HNRNPLL: variants seen among roughly 807,000 people sequenced by gnomAD.
HNRNPLL encodes the protein heterogeneous nuclear ribonucleoprotein L like.
A neutral mutation model predicts 67.1 loss-of-function variants in HNRNPLL; 25 were observed. The ratio of observed to expected loss-of-function variants is 0.37; its 90% CI spans 0.27 to 0.52. HNRNPLL has a LOEUF of 0.52. Ranked by LOEUF, HNRNPLL falls within the 20% of genes least tolerant of loss-of-function variation. The pLI, the probability that HNRNPLL is intolerant of heterozygous loss-of-function variation, is 0.90. For synonymous variants in HNRNPLL, 267 were observed against 241.7 expected (o/e 1.10, Z -0.97); for missense variants, 542 against 673.9 (o/e 0.80, Z 2.17).
At chr2:38,566,502 G>C (rs901128851) in intron 12 of HNRNPLL, among the ~76,000 whole-genome samples, 1 of 151,880 alleles carries the variant, frequency 6.6e-6, no homozygotes, top group Non-Finnish European at 1.5e-5. Context: ...TATCATACTG[G>C]TAAAAATTGA....
chr2:38,587,379 C>T (rs562702409), intron 2 of HNRNPLL, among the ~76,000 whole-genome samples: 2 of 152,282 alleles, frequency 1.3e-5, no homozygotes, highest in East Asian at 3.9e-4. Flanking sequence ...TTTAACGTAT[C>T]TTGCCTCATT....
chr2:38,568,359 G>C (rs767646201), intron 11 of HNRNPLL, 27 bp downstream of exon 11: 10 of 1,605,818 alleles, frequency 6.2e-6, no homozygotes, highest in Non-Finnish European at 7.7e-6. Context: ...TAACCAGAAA[G>C]CTTTAAAAGA....
chr2:38,596,113 T>C lies in HNRNPLL; in HGVS notation c.190-4465A>G, dbSNP rs868856478. ...GCTGTTTCCAAATATAAAACCAATG[T>C]ATCAAAGGTATCTTTCCCAACTATT... On this transcript the variant is annotated intron_variant, in intron 1 of 12. Transcript: ENST00000449105. 4.6e-5 allele frequency among the ~76,000 whole-genome samples: 7 copies of C among 152,040 alleles called. 1 individual carries two copies. The South Asian group carries it at 8.3e-4, about 18-fold the overall frequency.
At chr2:38,582,256 G>T in intron 4 of HNRNPLL, 88 bp from the exon 5 acceptor site, 1 of 848,324 alleles carries the variant, frequency 1.2e-6, no homozygotes, top group Non-Finnish European at 2.0e-6. Flanking sequence ...ATAATCAGAA[G>T]TAGCTCTTTT....
At chr2:38,587,545 T>C (rs539131400) in intron 2 of HNRNPLL, among the ~76,000 whole-genome samples, 1 of 152,300 alleles carries the variant, frequency 6.6e-6, no homozygotes, top group East Asian at 1.9e-4. Context: ...CCAGGAGACA[T>C]TCCTTTTAGA....
intron 1 of HNRNPLL, among the ~76,000 whole-genome samples, chr2:38,591,981 A>G (rs1666976537): frequency 1.3e-5 from 2 of 152,304 alleles, no homozygotes; most frequent in South Asian, 4.1e-4. Context: ...ATCTCAAAAA[A>G]AACAAAAAAA....
intron 1 of HNRNPLL, among the ~76,000 whole-genome samples, chr2:38,596,425 A>G (rs1278453290): frequency 6.6e-6 from 1 of 151,824 alleles, no homozygotes; most frequent in African/African-American, 2.4e-5. Flanking sequence ...CACCTGGCTG[A>G]TTTTTGTGGT....
intron 12 of HNRNPLL, among the ~76,000 whole-genome samples, chr2:38,567,891 T>C (rs1665932123): frequency 6.6e-6 from 1 of 152,042 alleles, no homozygotes; most frequent in Non-Finnish European, 1.5e-5. Flanking sequence ...ACTGCAGACT[T>C]AAACAACAGT....
chr2:38,580,900 C>T (rs1383392883), intron 6 of HNRNPLL, among the ~76,000 whole-genome samples: 5 of 152,140 alleles, frequency 3.3e-5, no homozygotes, highest in Non-Finnish European at 7.4e-5. Context: ...CAGTGATAAC[C>T]TTAAATTGTT....
rs70954732 is a variant in HNRNPLL, at chr2:38,564,613, C to CAAA, written c.1574-379_1574-377dup. 6.8e-3 allele frequency among the ~76,000 whole-genome samples: 251 copies of CAAA among 36,914 alleles called. 9 individuals are homozygous for CAAA. The highest frequency in any genetic ancestry group is 0.041 in the Middle Eastern group (3 of 74). The allele number at this position is 36,914 out of a possible 152,430, so 24.2% of individuals were successfully genotyped here. A position where few individuals can be genotyped will look rare whatever the true frequency, so the allele number is the denominator to read the frequency against. ...TGGGTGACAGAGTGAGACTCCGTCT[C>CAAA]AAAAAAAAAAAAAAAAAAAAAAAAG... On this transcript the variant is annotated intron_variant, in intron 12 of 12. Transcript: ENST00000449105.
chr2:38,562,846 A>C lies in HNRNPLL; in HGVS notation c.*1336T>G, dbSNP rs1665716967. 1.3e-5 allele frequency: 2 copies of C among 152,136 alleles called. No homozygotes were observed. The highest frequency in any genetic ancestry group is 4.1e-4 in the South Asian group (2 of 4,838). The allele number at this position is 152,136 out of a possible 1,614,324, so 9.4% of individuals were successfully genotyped here. A position where few individuals can be genotyped will look rare whatever the true frequency, so the allele number is the denominator to read the frequency against. ...CCTATTAAACAGCTCTAAAATTGTA[A>C]ATGCCTGCCTTATTTCTAAAAGGAT... is the stretch of plus-strand genomic sequence containing the variant. On this transcript the variant is annotated 3_prime_UTR_variant, in exon 13 of 13. Coordinates refer to ENST00000449105, the MANE Select transcript of HNRNPLL (RefSeq NM_138394.4).
chr2:38,577,856 G>A (rs1443967531), intron 6 of HNRNPLL: 10 of 475,744 alleles, frequency 2.1e-5, no homozygotes, highest in South Asian at 1.5e-4. Flanking sequence ...ACACTGTACA[G>A]AAGTTTTTAC....
chr2:38,591,584 TCA>T lies in HNRNPLL; in HGVS notation c.252_253del (p.Cys84Ter). On this transcript the variant is annotated stop_gained and frameshift_variant, in exon 2 of 13. Coordinates refer to ENST00000449105, the MANE Select transcript of HNRNPLL (RefSeq NM_138394.4). LOFTEE classifies it high-confidence loss of function. The stretch of plus-strand genomic sequence containing the variant: ...CACGAGGTCTGCTTCCACCACAGAT[TCA>T]CAGAGTCCTCGAACATGGACGACGG... The T allele has an allele frequency of 1.2e-6, 2 of 1,613,984 alleles. No individual in the cohort carries two copies. The highest frequency in any genetic ancestry group is 1.7e-6 in the Non-Finnish European group (2 of 1,179,864).
intron 8 of HNRNPLL, among the ~76,000 whole-genome samples, chr2:38,571,515 C>T (rs2148342392): frequency 6.6e-6 from 1 of 152,264 alleles, no homozygotes; most frequent in East Asian, 1.9e-4. Context: ...ACTTCAACTA[C>T]CCACTTTAAT....
At chr2:38,591,389 C>A in intron 2 of HNRNPLL, 141 bp downstream of exon 2, 1 of 623,920 alleles carries the variant, frequency 1.6e-6, no homozygotes, top group Admixed American at 2.5e-5. Flanking sequence ...CAAAGAAATA[C>A]AGTCATAGGC....
In HNRNPLL at chr2:38,562,197, C is replaced by G. The variant is rs763751750; in HGVS notation, c.*1985G>C. ...CAAAGCAAACTTCATTAACAGCAGTCATGCCTAAGTAAACTATCAAAAACA... is the reference window on the plus strand; with the variant it reads ...CAAAGCAAACTTCATTAACAGCAGTGATGCCTAAGTAAACTATCAAAAACA... On this transcript the variant is annotated 3_prime_UTR_variant, in exon 13 of 13. Transcript: ENST00000449105. 6.6e-6 allele frequency: 1 copy of G among 152,140 alleles called. No individual in the cohort carries two copies. Among genetic ancestry groups the G allele is most frequent in the Non-Finnish European group, 1.5e-5 (1 of 68,006 alleles). 9.4% of individuals were successfully genotyped at this position (152,140 alleles called of 1,614,324 possible).
intron 1 of HNRNPLL, among the ~76,000 whole-genome samples, chr2:38,597,691 A>C (rs971479462): frequency 1.4e-5 from 2 of 143,366 alleles, no homozygotes; most frequent in African/African-American, 5.1e-5. Context: ...AACTTTTTTT[A>C]TTTTTTTTTT....
At chr2:38,599,504 G>A (rs1667336198) in intron 1 of HNRNPLL, among the ~76,000 whole-genome samples, 1 of 152,024 alleles carries the variant, frequency 6.6e-6, no homozygotes, top group South Asian at 2.1e-4. Flanking sequence ...TATGTGGCAG[G>A]AACCTCTATA....
At chr2:38,566,117 C>G (rs1007194488) in intron 12 of HNRNPLL, 1 of 986,388 alleles carries the variant, frequency 1.0e-6, no homozygotes, top group Non-Finnish European at 1.2e-6. Flanking sequence ...GCCTGTAATC[C>G]CAGCACTTCG....
Sources: gnomAD v4.1 joint callset for allele counts (sites outside exome capture counted in the v4.1 genomes callset) on GRCh38, gnomAD v4.1.1 for gene constraint, MANE v1.5 for transcripts, NCBI Gene and HGNC (gene_info 2026-07-23, HGNC 2026-07-21) for gene names.